SNTG1: variants seen among roughly 807,000 people sequenced by gnomAD.
SNTG1 encodes syntrophin gamma 1, also known as gamma-1-syntrophin.
SNTG1 carries 39 observed loss-of-function variants against 74.7 expected under a neutral mutation model. That is an observed-to-expected ratio of 0.52 (90% CI 0.40 to 0.68). SNTG1 has a LOEUF of 0.68. Among genes scored for constraint, SNTG1 ranks in the 30% least tolerant of loss-of-function variants. The probability of loss-of-function intolerance (pLI) is 0.00; values close to 1 mark genes in which losing one functional copy is unlikely to be tolerated. For synonymous variants in SNTG1, 254 were observed against 217.1 expected (o/e 1.17, Z -1.49); for missense variants, 685 against 609.5 (o/e 1.12, Z -1.30).
chr8:49,982,149 TA>T (rs1019292468), intron 1 of SNTG1, among the ~76,000 whole-genome samples: 1 of 152,144 alleles, frequency 6.6e-6, no homozygotes, highest in African/African-American at 2.4e-5. Flanking sequence ...AAATCACTTA[TA>T]AAAAGAAAAA....
At chr8:50,299,869 T>G (rs2089567402) in intron 2 of SNTG1, among the ~76,000 whole-genome samples, 1 of 152,130 alleles carries the variant, frequency 6.6e-6, no homozygotes, top group Non-Finnish European at 1.5e-5. Context: ...TGCCTGTTCT[T>G]TAACCCATTT....
intron 2 of SNTG1, among the ~76,000 whole-genome samples, chr8:50,325,892 C>T (rs1032338729): frequency 2.2e-4 from 33 of 152,134 alleles, no homozygotes; most frequent in African/African-American, 7.9e-4. Context: ...TTTTCAAGTT[C>T]AGGAGGTTTT....
Position 50,381,836 on chromosome 8 carries a change from T to A in SNTG1, c.-27-12376T>A, listed in dbSNP as rs1587403734. On this transcript the variant is annotated intron_variant, in intron 2 of 18. Coordinates refer to ENST00000642720, the MANE Select transcript of SNTG1 (RefSeq NM_018967.5). ...GCTATATATATAACATATATATATA[T>A]TATATATATATATATATGAAGGGGA... 7 of 98,940 alleles carry A rather than the reference T, an allele frequency of 7.1e-5. No homozygotes were observed. In the South Asian group the frequency reaches 1.3e-3, roughly 19 times the overall value. The allele number at this position is 98,940 out of a possible 1,614,324, so 6.1% of individuals were successfully genotyped here.
At chr8:50,515,416 G>C (rs2448933) in intron 9 of SNTG1, among the ~76,000 whole-genome samples, 1 of 52,116 alleles carries the variant, frequency 1.9e-5, no homozygotes, top group African/African-American at 4.8e-5. Context: ...TTTTTTTTTT[G>C]TTACTCCAGT....
chr8:50,432,147 G>T (rs1430332686), intron 4 of SNTG1, among the ~76,000 whole-genome samples: 5 of 152,046 alleles, frequency 3.3e-5, no homozygotes, highest in African/African-American at 4.8e-5. Flanking sequence ...GTACTACTGT[G>T]TTTTTAATAT....
intron 4 of SNTG1, among the ~76,000 whole-genome samples, chr8:50,420,276 C>T (rs2093065943): frequency 6.6e-6 from 1 of 151,800 alleles, no homozygotes; most frequent in Non-Finnish European, 1.5e-5. Flanking sequence ...ACTTCAAAAG[C>T]AACAAAAAAG....
Position 50,653,753 on chromosome 8 carries a change from G to A in SNTG1, c.850-3156G>A, listed in dbSNP as rs181149615. ...AACAGTGGCCCAGAGTATTTTGTACGCCCTTGAATGTTCTTTGGATACTTT... is the reference window on the plus strand; with the variant it reads ...AACAGTGGCCCAGAGTATTTTGTACACCCTTGAATGTTCTTTGGATACTTT... On this transcript the variant is annotated intron_variant, in intron 13 of 18. Coordinates refer to ENST00000642720, the MANE Select transcript of SNTG1 (RefSeq NM_018967.5). Among the ~76,000 whole-genome samples, 279 of 152,146 alleles carry A rather than the reference G, an allele frequency of 1.8e-3. 2 individuals are homozygous for A. Among genetic ancestry groups the A allele is most frequent in the Middle Eastern group, 0.01 (3 of 294 alleles).
intron 1 of SNTG1, among the ~76,000 whole-genome samples, chr8:49,922,061 G>A (rs1398839188): frequency 6.6e-6 from 1 of 151,960 alleles, no homozygotes; most frequent in African/African-American, 2.4e-5. Context: ...AGAAATTTTG[G>A]AGCATGAAGA....
chr8:50,395,961 A>C (rs1043022060), intron 3 of SNTG1, among the ~76,000 whole-genome samples: 1 of 152,212 alleles, frequency 6.6e-6, no homozygotes, highest in Non-Finnish European at 1.5e-5. Context: ...CATGACATTC[A>C]TATGGTACAG....
At chr8:50,268,148 A>T (rs2087576096) in intron 2 of SNTG1, among the ~76,000 whole-genome samples, 1 of 152,230 alleles carries the variant, frequency 6.6e-6, no homozygotes, top group Admixed American at 6.5e-5. Context: ...TGAAAATACA[A>T]TACCATTTAA....
intron 18 of SNTG1, among the ~76,000 whole-genome samples, chr8:50,754,815 C>T (rs1056546891): frequency 6.6e-6 from 1 of 151,840 alleles, no homozygotes; most frequent in African/African-American, 2.4e-5. Context: ...TCCTTGTTAG[C>T]ACTGCATTTG....
chr8:50,521,656 A>G (rs556556385), intron 9 of SNTG1, among the ~76,000 whole-genome samples: 1 of 152,314 alleles, frequency 6.6e-6, no homozygotes, highest in South Asian at 2.1e-4. Context: ...TTTTACCCAT[A>G]TTAGAACTTC....
chr8:49,966,078 T>G (rs550848231), intron 1 of SNTG1, among the ~76,000 whole-genome samples: 1 of 152,178 alleles, frequency 6.6e-6, no homozygotes, highest in Non-Finnish European at 1.5e-5. Context: ...TATATCTGGT[T>G]TCTATTTCTG....
At chr8:50,000,829 C>A (rs1814676194) in intron 1 of SNTG1, among the ~76,000 whole-genome samples, 1 of 152,198 alleles carries the variant, frequency 6.6e-6, no homozygotes, top group Non-Finnish European at 1.5e-5. Context: ...TCCTTCCTGT[C>A]AGTAGCAGAC....
chr8:50,766,136 C>T (rs2095612958), intron 18 of SNTG1, among the ~76,000 whole-genome samples: 1 of 151,944 alleles, frequency 6.6e-6, no homozygotes, highest in Admixed American at 6.6e-5. Context: ...TAACAAGAAG[C>T]TGGTTGTCTC....
chr8:50,409,784 G>A (rs1359146429), intron 4 of SNTG1, among the ~76,000 whole-genome samples: 1 of 152,134 alleles, frequency 6.6e-6, no homozygotes, highest in African/African-American at 2.4e-5. Context: ...ATTTTTAAAA[G>A]GTAAATGAGG....
At chr8:49,976,286 T>G (rs1398879376) in intron 1 of SNTG1, among the ~76,000 whole-genome samples, 3 of 152,214 alleles carry the variant, frequency 2.0e-5, no homozygotes, top group African/African-American at 7.2e-5. Flanking sequence ...GTGATATTTA[T>G]ATGAAATTAT....
chr8:50,000,924 C>A (rs991867817), intron 1 of SNTG1, among the ~76,000 whole-genome samples: 4 of 152,154 alleles, frequency 2.6e-5, no homozygotes, highest in Non-Finnish European at 5.9e-5. Context: ...AGCACATTTG[C>A]CAAGAGATAG....
chr8:50,758,971 A>G (rs2131728955), intron 18 of SNTG1, among the ~76,000 whole-genome samples: 1 of 152,088 alleles, frequency 6.6e-6, no homozygotes, highest in African/African-American at 2.4e-5. Flanking sequence ...TCTCTCCAGC[A>G]TGTGCTATTT....
Sources: gnomAD v4.1 joint callset for allele counts (sites outside exome capture counted in the v4.1 genomes callset) on GRCh38, gnomAD v4.1.1 for gene constraint, MANE v1.5 for transcripts, NCBI Gene and HGNC (gene_info 2026-07-23, HGNC 2026-07-21) for gene names.